The following CDYL2 variants were observed in gnomAD, a reference collection of about 807,000 sequenced individuals.
CDYL2 encodes the protein chromodomain Y like 2, also known as chromodomain Y-like protein 2.
In CDYL2, 23 loss-of-function variants were observed where a neutral mutation model predicts 49.4. That is an observed-to-expected ratio of 0.47 (90% CI 0.34 to 0.66). The LOEUF is 0.66. Among genes scored for constraint, CDYL2 ranks in the 30% least tolerant of loss-of-function variants. The pLI is 0.01. For missense variants in CDYL2, 678 were observed against 656.4 expected (o/e 1.03, Z -0.36); for synonymous variants, 360 against 268.8 (o/e 1.34, Z -3.32).
At chr16:80,698,807 T>C (rs1413906482) in intron 1 of CDYL2, among the ~76,000 whole-genome samples, 1 of 152,126 alleles carries the variant, frequency 6.6e-6, no homozygotes, top group Admixed American at 6.5e-5. Flanking sequence ...TTGCTTCCTG[T>C]AGAGCCTGCA....
chr16:80,742,832 G>A (rs951425572), intron 1 of CDYL2, among the ~76,000 whole-genome samples: 2 of 148,806 alleles, frequency 1.3e-5, no homozygotes, highest in African/African-American at 2.5e-5. Context: ...AGACTGGGTG[G>A]TTGAGTGGAT....
intron 2 of CDYL2, among the ~76,000 whole-genome samples, chr16:80,663,872 G>A (rs1484541990): frequency 1.3e-5 from 2 of 152,202 alleles, no homozygotes; most frequent in African/African-American, 2.4e-5. Flanking sequence ...GATTAGAGGT[G>A]TGAGCCACTA....
intron 1 of CDYL2, among the ~76,000 whole-genome samples, chr16:80,751,822 A>T (rs1308977739): frequency 6.6e-6 from 1 of 152,322 alleles, no homozygotes; most frequent in Admixed American, 6.5e-5. Context: ...GAACCTTACA[A>T]AGACTGAAAA....
intron 3 of CDYL2, among the ~76,000 whole-genome samples, chr16:80,623,369 A>T (rs1182281603): frequency 6.6e-6 from 1 of 152,156 alleles, no homozygotes. Flanking sequence ...AACAAACAAG[A>T]TGCAAGTAGA....
At chr16:80,699,329 G>C (rs927393130) in intron 1 of CDYL2, among the ~76,000 whole-genome samples, 1 of 152,142 alleles carries the variant, frequency 6.6e-6, no homozygotes, top group African/African-American at 2.4e-5. Flanking sequence ...ATACTATTTA[G>C]CCATAAAAAA....
intron 1 of CDYL2, among the ~76,000 whole-genome samples, chr16:80,729,124 C>A (rs578139385): frequency 6.6e-6 from 1 of 152,174 alleles, no homozygotes; most frequent in South Asian, 2.1e-4. Context: ...TGTAAATGGA[C>A]TAAATGCTCC....
chr16:80,747,242 C>T (rs1905963064), intron 1 of CDYL2, among the ~76,000 whole-genome samples: 1 of 152,108 alleles, frequency 6.6e-6, no homozygotes, highest in Non-Finnish European at 1.5e-5. Context: ...GCATGAACCA[C>T]CCCATAGTGA....
intron 3 of CDYL2, among the ~76,000 whole-genome samples, chr16:80,629,301 G>C (rs1374474545): frequency 4.6e-5 from 7 of 152,246 alleles, no homozygotes; most frequent in African/African-American, 1.7e-4. Flanking sequence ...AATTACAGCA[G>C]TCCAGACAAA....
Position 80,683,148 on chromosome 16 carries a change from C to T in CDYL2, c.616+1390G>A, listed in dbSNP as rs112177582. Among the ~76,000 whole-genome samples, 388 of 152,326 alleles carry T rather than the reference C, an allele frequency of 2.5e-3. 2 individuals are homozygous for T. Among genetic ancestry groups the T allele is most frequent in the Middle Eastern group, 6.8e-3 (2 of 294 alleles). ...CCTTCTGTGAGCCCTTCTAACCATT[C>T]CCCCTGCATCCAAGCATCCCGGTCT... On this transcript the variant is annotated intron_variant, in intron 2 of 6. Transcript: ENST00000570137.
At chr16:80,788,461 C>T (rs556673197) in intron 1 of CDYL2, among the ~76,000 whole-genome samples, 99 of 152,328 alleles carry the variant, frequency 6.5e-4, no homozygotes, top group African/African-American at 2.4e-3. Flanking sequence ...GTTTTTGTGC[C>T]ATAAGCATGG....
rs13338345 is a variant in CDYL2 at position 80,768,349 on chromosome 16, T to C, written c.24+35801A>G. Among the ~76,000 whole-genome samples the C allele has an allele frequency of 3.5e-3, 534 of 152,292 alleles. 2 individuals are homozygous for C. The highest frequency in any genetic ancestry group is 0.011 in the African/African-American group (459 of 41,562). On this transcript the variant is annotated intron_variant, in intron 1 of 6. Transcript: ENST00000570137. ...CTATCCCCAACATCAACACCTCAAG[T>C]GTTTCTCACCTGCACTAACCAGTGT...
rs765533695 is a variant in CDYL2, at chr16:80,684,987, T to A, written c.167A>T (p.Asn56Ile). 2.5e-6 allele frequency: 4 copies of A among 1,614,036 alleles called. No homozygotes were observed. Residue 56 changes from asparagine to isoleucine, a missense_variant, in exon 2 of 7, where the codon AAT (asparagine) becomes ATT (isoleucine). Asn to Ile is a moderately radical substitution (Grantham distance 149, BLOSUM62 -3). Around this residue, in one of 3 missense-constraint regions of CDYL2, gnomAD observed 478 missense variants for 427.0 expected, o/e 1.12. Coordinates refer to ENST00000570137, the MANE Select transcript of CDYL2 (RefSeq NM_152342.4). ...CTTGTCCTTGGACATGTGCAACCCA[T>A]TGAATTCATCAATAAACTCCTCACA... Reference protein sequence around the residue: ...LHCEEFIDEFNGLHMSKDKRI... With the variant: ...LHCEEFIDEFIGLHMSKDKRI...
chr16:80,611,172 G>C (rs1906577930), intron 5 of CDYL2, among the ~76,000 whole-genome samples: 2 of 152,188 alleles, frequency 1.3e-5, no homozygotes, highest in Non-Finnish European at 2.9e-5. Context: ...CTCCTTCCAA[G>C]ACAGAGAGCT....
intron 1 of CDYL2, among the ~76,000 whole-genome samples, chr16:80,727,188 G>T (rs1321491261): frequency 6.6e-6 from 1 of 152,242 alleles, no homozygotes; most frequent in African/African-American, 2.4e-5. Context: ...TGAGGTACCG[G>T]GTTCATCTCA....
At chr16:80,676,650 A>C (rs1348782411) in intron 2 of CDYL2, among the ~76,000 whole-genome samples, 1 of 152,224 alleles carries the variant, frequency 6.6e-6, no homozygotes, top group Non-Finnish European at 1.5e-5. Flanking sequence ...AGGGAACTAT[A>C]ATAAGCCCAG....
intron 1 of CDYL2, among the ~76,000 whole-genome samples, chr16:80,727,085 T>G (rs1208123977): frequency 6.6e-6 from 1 of 152,062 alleles, no homozygotes; most frequent in Non-Finnish European, 1.5e-5. Context: ...GAAAAAAAAG[T>G]TCTGGGAGCC....
At chr16:80,803,993 C>G (rs1908015808) in intron 1 of CDYL2, among the ~76,000 whole-genome samples, 157 bp downstream of exon 1, 1 of 137,616 alleles carries the variant, frequency 7.3e-6, no homozygotes. Flanking sequence ...GAGGCGCGCC[C>G]GGCCCCCGCC....
At chr16:80,637,028 G>A (rs1487963830) in intron 2 of CDYL2, among the ~76,000 whole-genome samples, 3 of 152,122 alleles carry the variant, frequency 2.0e-5, no homozygotes, top group Non-Finnish European at 2.9e-5. Context: ...ACAGGGAGAG[G>A]AACATCACAC....
At position 80,782,549 on chromosome 16, in the gene CDYL2, A is replaced by C. The variant is rs569440913; in HGVS notation, c.24+21601T>G. On this transcript the variant is annotated intron_variant, in intron 1 of 6. Coordinates refer to ENST00000570137, the MANE Select transcript of CDYL2 (RefSeq NM_152342.4). The stretch of plus-strand genomic sequence containing the variant: ...TAAGGAGAAAAAAAAAAAAAAAAAA[A>C]AAACTACAGGCCAATATCCCTGACA... Among the ~76,000 whole-genome samples, 10 of 151,194 alleles carry C rather than the reference A, an allele frequency of 6.6e-5. 1 individual carries two copies. In the South Asian group the frequency reaches 2.1e-3, roughly 31 times the overall value.
Sources: allele counts gnomAD v4.1 joint callset (sites outside exome capture counted in the v4.1 genomes callset), GRCh38; gene constraint gnomAD v4.1.1; regional missense constraint gnomAD v4.1.1; transcripts MANE v1.5; gene names NCBI Gene and HGNC (gene_info 2026-07-23, HGNC 2026-07-21).